ASZ1: variants seen among roughly 807,000 people sequenced by gnomAD.
ASZ1 encodes ankyrin repeat, SAM and basic leucine zipper domain-containing protein 1.
Under a neutral mutation model 61.8 loss-of-function variants are expected in ASZ1, and 67 were observed. That is an observed-to-expected ratio of 1.08 (90% confidence interval 0.89 to 1.33). The LOEUF is 1.33. Among genes scored for constraint, ASZ1 ranks in the 40% most tolerant of loss-of-function variants. ASZ1 has a pLI of 0.00. For synonymous variants in ASZ1, 193 were observed against 192.7 expected (o/e 1.00, Z -0.01); for missense variants, 577 against 554.5 (o/e 1.04, Z -0.41).
At chr7:117,405,543 T>C (rs1796766201) in intron 4 of ASZ1, among the ~76,000 whole-genome samples, 2 of 152,220 alleles carry the variant, frequency 1.3e-5, no homozygotes, top group South Asian at 4.1e-4. Context: ...ATCCCCATAC[T>C]CATGCAGTGG....
chr7:117,421,224 T>G (rs2116537192), intron 3 of ASZ1, among the ~76,000 whole-genome samples: 1 of 152,222 alleles, frequency 6.6e-6, no homozygotes, highest in Admixed American at 6.5e-5. Flanking sequence ...TTGAGTAATT[T>G]TTTTTTGAGA....
chr7:117,398,195 C>T (rs974783188), intron 4 of ASZ1, among the ~76,000 whole-genome samples: 4 of 152,166 alleles, frequency 2.6e-5, no homozygotes, highest in African/African-American at 4.8e-5. Context: ...TCCCTACTTT[C>T]GCTGTTTCGT....
intron 2 of ASZ1, among the ~76,000 whole-genome samples, chr7:117,423,733 G>A (rs1228702712): frequency 6.6e-6 from 1 of 150,622 alleles, no homozygotes; most frequent in East Asian, 1.9e-4. Flanking sequence ...GTGGTGGTGG[G>A]TGCCTGTAGT....
At chr7:117,370,551 A>T (rs1459825926) in intron 10 of ASZ1, among the ~76,000 whole-genome samples, 7 of 152,312 alleles carry the variant, frequency 4.6e-5, no homozygotes, top group African/African-American at 1.7e-4. Flanking sequence ...AAGAAACTTA[A>T]CCCAACAGAA....
At position 117,422,220 on chromosome 7, in the gene ASZ1, TATCTAAAAC is replaced by T; in HGVS notation, c.328+8_328+16del. 1 of 1,605,598 alleles carries T rather than the reference TATCTAAAAC, an allele frequency of 6.2e-7. No individual in the cohort carries two copies. The highest frequency in any genetic ancestry group is 8.5e-7 in the Non-Finnish European group (1 of 1,177,718). ...TCACAGTAAGCATAATCATTTAAGT[TATCTAAAAC>T]ATCTTACCCTTCTCAAAGCTTGCAT... On this transcript the variant is annotated splice_region_variant and intron_variant, in intron 3 of 12. Coordinates refer to ENST00000284629, the MANE Select transcript of ASZ1 (RefSeq NM_130768.3).
chr7:117,367,262 G>GCT (rs1402080898), intron 12 of ASZ1, 90 bp downstream of exon 12: 2 of 973,530 alleles, frequency 2.1e-6, no homozygotes, highest in Non-Finnish European at 2.7e-6. Flanking sequence ...TCCATTTGTT[G>GCT]CTCTTACCAG....
chr7:117,390,735 ACTCT>A (rs1796449655), intron 4 of ASZ1, among the ~76,000 whole-genome samples: 1 of 151,886 alleles, frequency 6.6e-6, no homozygotes, highest in Non-Finnish European at 1.5e-5. Context: ...AAGAAGCCTC[ACTCT>A]GTCACCTAGG....
intron 2 of ASZ1, among the ~76,000 whole-genome samples, chr7:117,424,438 A>G (rs374085530): frequency 1.3e-5 from 2 of 152,354 alleles, no homozygotes; most frequent in Admixed American, 6.5e-5. Context: ...CAGTAAGGGG[A>G]ATGACAGTGA....
chr7:117,414,171 A>G (rs917765229), intron 4 of ASZ1, among the ~76,000 whole-genome samples: 8 of 152,202 alleles, frequency 5.3e-5, no homozygotes, highest in African/African-American at 1.9e-4. Context: ...GATTTTCTAG[A>G]ACTGCAAAAT....
chr7:117,376,354 G>A (rs1263319704), intron 10 of ASZ1, among the ~76,000 whole-genome samples: 1 of 152,090 alleles, frequency 6.6e-6, no homozygotes, highest in African/African-American at 2.4e-5. Context: ...TTTCACTGGA[G>A]AAATCTACAG....
At chr7:117,389,489 C>A in intron 4 of ASZ1, among the ~76,000 whole-genome samples, 1 of 152,236 alleles carries the variant, frequency 6.6e-6, no homozygotes, top group Non-Finnish European at 1.5e-5. Flanking sequence ...ATGAACAGTG[C>A]TTGCTTATCT....
chr7:117,427,111 T>C (rs1217992202), intron 1 of ASZ1, among the ~76,000 whole-genome samples, 176 bp from the exon 2 acceptor site: 3 of 152,156 alleles, frequency 2.0e-5, no homozygotes, highest in Non-Finnish European at 4.4e-5. Context: ...GAATAGGTAA[T>C]GATGGATCCA....
intron 4 of ASZ1, among the ~76,000 whole-genome samples, chr7:117,403,565 G>T (rs1456558878): frequency 6.6e-6 from 1 of 152,164 alleles, no homozygotes; most frequent in African/African-American, 2.4e-5. Flanking sequence ...TTCCCAAGAT[G>T]TATTTTGGGA....
At chr7:117,368,366 A>T in intron 11 of ASZ1, 1 of 1,161,160 alleles carries the variant, frequency 8.6e-7, no homozygotes, top group Non-Finnish European at 1.1e-6. Context: ...TAAATTCAAT[A>T]CACGGATCAG....
At position 117,401,381 on chromosome 7, in the gene ASZ1, GTTT is replaced by G. The variant is rs10709348; in HGVS notation, c.441-15575_441-15573del. 6.1e-4 allele frequency among the ~76,000 whole-genome samples: 89 copies of G among 144,764 alleles called. 1 individual carries two copies. Among genetic ancestry groups the G allele is most frequent in the South Asian group, 1.1e-3 (5 of 4,538 alleles). The allele number at this position is 144,764 out of a possible 152,430, so 95.0% of individuals were successfully genotyped here. A position where few individuals can be genotyped will look rare whatever the true frequency, so the allele number is the denominator to read the frequency against. On this transcript the variant is annotated intron_variant, in intron 4 of 12. Transcript: ENST00000284629. ...TACATAGGGATATCATAGCAAAGCTGTTTTTTTTTTTTTAAAAAAAAAGACCAA... is the reference window on the plus strand; with the variant it reads ...TACATAGGGATATCATAGCAAAGCTGTTTTTTTTTTAAAAAAAAAGACCAA...
chr7:117,390,661 C>T (rs780255721), intron 4 of ASZ1, among the ~76,000 whole-genome samples: 21 of 152,098 alleles, frequency 1.4e-4, no homozygotes, highest in Admixed American at 1.2e-3. Context: ...CAGCAGTGTA[C>T]GTTTCCCTTA....
chr7:117,376,758 T>C (rs1453481365), intron 10 of ASZ1, among the ~76,000 whole-genome samples: 2 of 152,088 alleles, frequency 1.3e-5, no homozygotes, highest in African/African-American at 4.8e-5. Flanking sequence ...TAAAAACTTT[T>C]AGAAAAATGA....
chr7:117,364,661 C>T (rs1795899991), intron 12 of ASZ1, among the ~76,000 whole-genome samples: 1 of 152,042 alleles, frequency 6.6e-6, no homozygotes, highest in Admixed American at 6.6e-5. Flanking sequence ...TAATGACTTC[C>T]AAATTCTACA....
At chr7:117,424,638 A>G (rs1413240698) in intron 2 of ASZ1, among the ~76,000 whole-genome samples, 1 of 152,194 alleles carries the variant, frequency 6.6e-6, no homozygotes, top group East Asian at 1.9e-4. Flanking sequence ...TAATCCTTCA[A>G]AAGCCTCTAT....
Sources: gnomAD v4.1 joint callset for allele counts (sites outside exome capture counted in the v4.1 genomes callset) on GRCh38, gnomAD v4.1.1 for gene constraint, MANE v1.5 for transcripts, NCBI Gene and HGNC (gene_info 2026-07-23, HGNC 2026-07-21) for gene names.